Variants in HECW1 observed in about 807,000 individuals in gnomAD.
HECW1 encodes the protein E3 ubiquitin-protein ligase HECW1.
HECW1 carries 61 observed loss-of-function variants against 182.3 expected under a neutral mutation model. The ratio of observed to expected loss-of-function variants is 0.33; its 90% CI spans 0.27 to 0.41. The LOEUF (loss-of-function observed/expected upper bound fraction) is 0.41, where lower values mean the gene tolerates loss of function less well. Ranked by LOEUF, HECW1 falls within the 10% of genes least tolerant of loss-of-function variation. The pLI is 1.00. For missense variants in HECW1, 1,739 were observed against 2,108.9 expected (o/e 0.82, Z 3.44); for synonymous variants, 859 against 832.6 (o/e 1.03, Z -0.55).
intron 2 of HECW1, among the ~76,000 whole-genome samples, chr7:43,194,969 C>T (rs541906387): frequency 6.6e-6 from 1 of 152,270 alleles, no homozygotes; most frequent in South Asian, 2.1e-4. Flanking sequence ...GCTGGGATTA[C>T]AGGCATGAGC....
intron 16 of HECW1, among the ~76,000 whole-genome samples, chr7:43,475,727 A>G (rs1212567908): frequency 6.6e-6 from 1 of 151,910 alleles, no homozygotes; most frequent in Non-Finnish European, 1.5e-5. Context: ...TTTTTGGTAT[A>G]TTTTTGTATT....
intron 5 of HECW1, among the ~76,000 whole-genome samples, chr7:43,331,502 A>C (rs2152791289): frequency 6.6e-6 from 1 of 151,876 alleles, no homozygotes; most frequent in Non-Finnish European, 1.5e-5. Context: ...CTGAGGCTGG[A>C]GAATGGCGTG....
Position 43,361,151 on chromosome 7 carries a change from A to ACCTC in HECW1, c.555+172_555+175dup, listed in dbSNP as rs558105900. ...ATTGATTATGAATAAATGGAAAGAC[A>ACCTC]CCTCAAAATGGTCAAGAGGAATGAG... is the stretch of plus-strand genomic sequence containing the variant. On this transcript the variant is annotated intron_variant, in intron 6 of 29. Transcript: ENST00000395891. 5.9e-5 allele frequency among the ~76,000 whole-genome samples: 9 copies of ACCTC among 152,174 alleles called. No homozygotes were observed. The South Asian group carries it at 1.9e-3, about 32-fold the overall frequency.
intron 3 of HECW1, among the ~76,000 whole-genome samples, chr7:43,252,753 C>A (rs576427221): frequency 6.6e-6 from 1 of 152,270 alleles, no homozygotes; most frequent in South Asian, 2.1e-4. Flanking sequence ...TATAAAAGAT[C>A]CTTGGGGGCT....
intron 24 of HECW1, among the ~76,000 whole-genome samples, chr7:43,525,921 C>T (rs1374230767): frequency 6.6e-6 from 1 of 152,148 alleles, no homozygotes; most frequent in African/African-American, 2.4e-5. Context: ...TCCCTACTAT[C>T]CAGACTTCTA....
rs571421201 is a variant in HECW1 at position 43,562,806 on chromosome 7, A to G, written c.*880A>G. On this transcript the variant is annotated 3_prime_UTR_variant, in exon 30 of 30. Coordinates refer to ENST00000395891, the MANE Select transcript of HECW1 (RefSeq NM_015052.5). ...TCTTATGTAGAATGTGGCAATGCCA[A>G]CTGGAGAAAGGGAAGAAGGACATAT... is the stretch of plus-strand genomic sequence containing the variant. 9.2e-6 allele frequency: 2 copies of G among 216,614 alleles called. No individual in the cohort carries two copies. Among genetic ancestry groups the G allele is most frequent in the African/African-American group, 2.2e-5 (1 of 44,492 alleles). The allele number at this position is 216,614 out of a possible 1,614,324, so 13.4% of individuals were successfully genotyped here. A position where few individuals can be genotyped will look rare whatever the true frequency, so the allele number is the denominator to read the frequency against.
chr7:43,333,227 T>C (rs923250193), intron 5 of HECW1, among the ~76,000 whole-genome samples: 21 of 152,244 alleles, frequency 1.4e-4, no homozygotes, highest in Admixed American at 1.2e-3. Context: ...TATCACATTC[T>C]ACCAAAATGG....
intron 2 of HECW1, chr7:43,241,354 G>A (rs185452664): frequency 4.6e-5 from 7 of 152,208 alleles, no homozygotes; most frequent in Non-Finnish European, 8.8e-5. Context: ...TGGTGGGGTG[G>A]GGTAAGCTTC....
intron 2 of HECW1, among the ~76,000 whole-genome samples, chr7:43,233,436 CAT>C (rs1399189868): frequency 6.6e-6 from 1 of 152,144 alleles, no homozygotes; most frequent in African/African-American, 2.4e-5. Flanking sequence ...CTTAGACACT[CAT>C]GTGTCTGTAG....
At chr7:43,324,535 T>A (rs1050199243) in intron 5 of HECW1, among the ~76,000 whole-genome samples, 1 of 152,108 alleles carries the variant, frequency 6.6e-6, no homozygotes, top group African/African-American at 2.4e-5. Context: ...TGGCTATCCT[T>A]CCCTAACACA....
rs146507523 is a variant in HECW1, at chr7:43,427,683, C to T, written c.802-10320C>T. ...AACCTGCGTTCTCGGCTCAGGATCT[C>T]AGACGCTGAAACCACTTGTGTTCTC... On this transcript the variant is annotated intron_variant, in intron 8 of 29. Coordinates refer to ENST00000395891, the MANE Select transcript of HECW1 (RefSeq NM_015052.5). Among the ~76,000 whole-genome samples the T allele has an allele frequency of 3.8e-3, 573 of 152,288 alleles. 5 individuals carry two copies. Among genetic ancestry groups the T allele is most frequent in the Middle Eastern group, 0.037 (11 of 294 alleles).
At chr7:43,153,697 G>A (rs6943005) in intron 2 of HECW1, among the ~76,000 whole-genome samples, 1 of 152,010 alleles carries the variant, frequency 6.6e-6, no homozygotes, top group Non-Finnish European at 1.5e-5. Flanking sequence ...TTGTCCAGAC[G>A]TCATTTTCCT....
intron 5 of HECW1, among the ~76,000 whole-genome samples, chr7:43,356,298 A>C (rs1218829585): frequency 6.6e-6 from 1 of 152,208 alleles, no homozygotes; most frequent in Middle Eastern, 3.2e-3. Flanking sequence ...AAAGACTGTA[A>C]AAAGAGATAA....
In HECW1 at chr7:43,140,349, T is replaced by C. The variant is rs375867375; in HGVS notation, c.-32+25958T>C. ...AGGTCCCAGGCCATAGAGGTGCTTC[T>C]TGACTGATGAGCGACTGTGCCCCCT... is the stretch of plus-strand genomic sequence containing the variant. On this transcript the variant is annotated intron_variant, in intron 2 of 29. Transcript: ENST00000395891. 2.6e-4 allele frequency among the ~76,000 whole-genome samples: 39 copies of C among 152,226 alleles called. 2 individuals carry two copies. Among genetic ancestry groups the C allele is most frequent in the Admixed American group, 1.8e-3 (27 of 15,290 alleles).
chr7:43,531,154 T>C (rs2080968037), intron 24 of HECW1, among the ~76,000 whole-genome samples: 1 of 152,258 alleles, frequency 6.6e-6, no homozygotes, highest in Non-Finnish European at 1.5e-5. Context: ...TTTTATTTTC[T>C]TGGAAAGCCT....
chr7:43,284,697 T>C (rs1804393484), intron 3 of HECW1, among the ~76,000 whole-genome samples: 1 of 152,152 alleles, frequency 6.6e-6, no homozygotes, highest in East Asian at 1.9e-4. Context: ...GACCAACATC[T>C]CCCCAATTTC....
At chr7:43,130,324 T>C (rs958465492) in intron 2 of HECW1, among the ~76,000 whole-genome samples, 7 of 152,206 alleles carry the variant, frequency 4.6e-5, no homozygotes, top group African/African-American at 1.4e-4. Context: ...AATCTAAACG[T>C]GAAATTCATT....
intron 28 of HECW1, 135 bp from the exon 29 acceptor site, chr7:43,554,457 C>T: frequency 1.3e-6 from 1 of 745,946 alleles, no homozygotes; most frequent in South Asian, 1.8e-5. Flanking sequence ...TCTCTAAAGG[C>T]CATCACAAGA....
chr7:43,114,730 C>CT (rs5883857), intron 2 of HECW1, among the ~76,000 whole-genome samples: 56,270 of 151,212 alleles, frequency 0.37, 11,118 homozygotes, highest in African/African-American at 0.52. Context: ...TGACAGTTCT[C>CT]TTTTTTTTTG....
Sources: allele counts gnomAD v4.1 joint callset (sites outside exome capture counted in the v4.1 genomes callset), GRCh38; gene constraint gnomAD v4.1.1; transcripts MANE v1.5; gene names NCBI Gene and HGNC (gene_info 2026-07-23, HGNC 2026-07-21).